Variants in SLC2A4 observed in about 807,000 individuals in gnomAD.
SLC2A4 encodes solute carrier family 2 member 4.
SLC2A4 carries 31 observed loss-of-function variants against 53.3 expected under a neutral mutation model. That is an observed-to-expected ratio of 0.58 (90% CI 0.44 to 0.78). The LOEUF is 0.78. Ranked by LOEUF, SLC2A4 falls within the 30% of genes least tolerant of loss-of-function variation. SLC2A4 has a pLI of 0.00. For missense variants in SLC2A4, 538 were observed against 655.7 expected (o/e 0.82, Z 1.96); for synonymous variants, 276 against 281.9 (o/e 0.98, Z 0.21).
Position 7,287,115 on chromosome 17 carries a change from G to GGTTCTCT in SLC2A4, c.*486_*487insGTTCTCT, listed in dbSNP as rs542749322. On this transcript the variant is annotated 3_prime_UTR_variant, in exon 11 of 11. Coordinates refer to ENST00000317370, the MANE Select transcript of SLC2A4 (RefSeq NM_001042.3). The stretch of plus-strand genomic sequence containing the variant: ...TGCCACGCAGACTCTGGGCAAAGGG[G>GGTTCTCT]TTTTTTTTTTTTTTTTTTTTTTTTT... The GGTTCTCT allele has an allele frequency of 8.2e-5, 8 of 97,848 alleles. 3 individuals are homozygous for GGTTCTCT. The highest frequency in any genetic ancestry group is 1.2e-4 in the Non-Finnish European group (6 of 49,576). 6.1% of individuals were successfully genotyped at this position (97,848 alleles called of 1,614,324 possible).
Position 7,283,103 on chromosome 17 carries a change from C to G in SLC2A4, c.34-142C>G. 1 of 781,506 alleles carries G rather than the reference C, an allele frequency of 1.3e-6. No homozygotes were observed. The highest frequency in any genetic ancestry group is 1.4e-5 in the South Asian group (1 of 73,794). 48.4% of individuals were successfully genotyped at this position (781,506 alleles called of 1,614,324 possible). A position where few individuals can be genotyped will look rare whatever the true frequency, so the allele number is the denominator to read the frequency against. On this transcript the variant is annotated intron_variant, in intron 1 of 10. Transcript: ENST00000317370. This position sits in a 1 kb window ranked among gnomAD's most constrained non-coding sequence, Gnocchi z 5.8. ...TTTACATTGAGATCTTTGTGCAATTCCTAATATGGCCCAGTTTCCCTCACC... is the reference window on the plus strand; with the variant it reads ...TTTACATTGAGATCTTTGTGCAATTGCTAATATGGCCCAGTTTCCCTCACC...
chr17:7,282,560 C>A lies in SLC2A4; in HGVS notation c.33+593C>A. The A allele has an allele frequency of 2.6e-6, 1 of 379,856 alleles. No individual in the cohort carries two copies. The highest frequency in any genetic ancestry group is 5.3e-6 in the Non-Finnish European group (1 of 189,374). The allele number at this position is 379,856 out of a possible 1,614,324, so 23.5% of individuals were successfully genotyped here. A position where few individuals can be genotyped will look rare whatever the true frequency, so the allele number is the denominator to read the frequency against. On this transcript the variant is annotated intron_variant, in intron 1 of 10. Coordinates refer to ENST00000317370, the MANE Select transcript of SLC2A4 (RefSeq NM_001042.3). The surrounding 1 kb of genome is among the most constrained non-coding windows in gnomAD (Gnocchi z 4.1). ...CTCACACTACCTTCCTGCCCTCCTCCCCTGGGCATGGCTCTCCCAGGCAGA... is the reference window on the plus strand; with the variant it reads ...CTCACACTACCTTCCTGCCCTCCTCACCTGGGCATGGCTCTCCCAGGCAGA...
chr17:7,284,780 T>C lies in SLC2A4; in HGVS notation c.916-55T>C, dbSNP rs2072434281. On this transcript the variant is annotated intron_variant, in intron 7 of 10. Coordinates refer to ENST00000317370, the MANE Select transcript of SLC2A4 (RefSeq NM_001042.3). The surrounding 1 kb of genome is among the most constrained non-coding windows in gnomAD (Gnocchi z 7.5). ...CAGGGTAGGGCCAGCCTGTTGTGGC[T>C]GGAGTAGAGGAAGGGGCATTCCTGC... 8 of 1,612,230 alleles carry C rather than the reference T, an allele frequency of 5.0e-6. No homozygotes were observed. The highest frequency in any genetic ancestry group is 5.9e-6 in the Non-Finnish European group (7 of 1,178,264).
rs926634324 is a variant in SLC2A4, at chr17:7,287,537, G to A, written c.*908G>A. The A allele has an allele frequency of 1.3e-5, 2 of 152,238 alleles. No homozygotes were observed. The highest frequency in any genetic ancestry group is 2.9e-5 in the Non-Finnish European group (2 of 68,056). The allele number at this position is 152,238 out of a possible 1,614,324, so 9.4% of individuals were successfully genotyped here. ...GTATGTGCCCATGTGTGGCAAGATG[G>A]AAGGACGGCAGGCTCCCGCCTCTAG... On this transcript the variant is annotated 3_prime_UTR_variant, in exon 11 of 11. Transcript: ENST00000317370.
chr17:7,282,117 C>T lies in SLC2A4; in HGVS notation c.33+150C>T. On this transcript the variant is annotated intron_variant, in intron 1 of 10. Transcript: ENST00000317370. This position sits in a 1 kb window ranked among gnomAD's most constrained non-coding sequence, Gnocchi z 4.1. ...GGCTATTTATACCCGGCCTGGACAA[C>T]CCGTGACTGTGAGATTCCAATCCTA... The T allele has an allele frequency of 1.4e-6, 1 of 707,408 alleles. No individual in the cohort carries two copies. Among genetic ancestry groups the T allele is most frequent in the Non-Finnish European group, 2.5e-6 (1 of 398,012 alleles). The allele number at this position is 707,408 out of a possible 1,614,324, so 43.8% of individuals were successfully genotyped here. A position where few individuals can be genotyped will look rare whatever the true frequency, so the allele number is the denominator to read the frequency against.
rs2072428126 is a variant in SLC2A4, at chr17:7,284,149, A to G, written c.564+60A>G. On this transcript the variant is annotated intron_variant, in intron 5 of 10. Coordinates refer to ENST00000317370, the MANE Select transcript of SLC2A4 (RefSeq NM_001042.3). This position sits in a 1 kb window ranked among gnomAD's most constrained non-coding sequence, Gnocchi z 7.5. ...TGGTTAGAGTGGGGCTCTGGAGAAT[A>G]TGGTGGGCTTCCAAGGTAAGGCAGA... 2 of 1,610,584 alleles carry G rather than the reference A, an allele frequency of 1.2e-6. No individual in the cohort carries two copies. Among genetic ancestry groups the G allele is most frequent in the Non-Finnish European group, 8.5e-7 (1 of 1,178,170 alleles).
At position 7,283,703 on chromosome 17, in the gene SLC2A4, C is replaced by G. The variant is rs776817223; in HGVS notation, c.324-35C>G. 3.1e-6 allele frequency: 5 copies of G among 1,613,768 alleles called. No homozygotes were observed. The highest frequency in any genetic ancestry group is 4.2e-6 in the Non-Finnish European group (5 of 1,180,018). On this transcript the variant is annotated intron_variant, in intron 3 of 10. Transcript: ENST00000317370. The surrounding 1 kb of genome is among the most constrained non-coding windows in gnomAD (Gnocchi z 5.8). Reference sequence around the variant, plus strand: ...AGGAAGGGAGCCACTGCTGGGTGCCCTCACCCTCACAGCCTCACTCTGTCT... The same window carrying G: ...AGGAAGGGAGCCACTGCTGGGTGCCGTCACCCTCACAGCCTCACTCTGTCT...
At chr17:7,286,219 G>A (rs964285352) in intron 10 of SLC2A4, 7 of 675,834 alleles carry the variant, frequency 1.0e-5, no homozygotes, top group African/African-American at 3.6e-5. Context: ...TGGTGAAGAG[G>A]GCGAAAACTA....
In SLC2A4 at chr17:7,283,973, G is replaced by A; in HGVS notation, c.449-1G>A. 6.2e-7 allele frequency: 1 copy of A among 1,613,738 alleles called. No individual in the cohort carries two copies. The highest frequency in any genetic ancestry group is 8.5e-7 in the Non-Finnish European group (1 of 1,179,806). ...CAGCCCTCTCTTCTTCCCTCGCCCAGGGCTGACATCAGGGCTGGTGCCCAT... is the reference window on the plus strand; with the variant it reads ...CAGCCCTCTCTTCTTCCCTCGCCCAAGGCTGACATCAGGGCTGGTGCCCAT... On this transcript the variant is annotated splice_acceptor_variant, in intron 4 of 10. Transcript: ENST00000317370. LOFTEE classifies it high-confidence loss of function. This position sits in a 1 kb window ranked among gnomAD's most constrained non-coding sequence, Gnocchi z 5.8.
In SLC2A4 at chr17:7,285,220, G is replaced by A; in HGVS notation, c.1122+31G>A. ...GCCTGGAGGCTAGGAGGGGCTAGCA[G>A]CCCACCCCATGGGAATGGTCCTGTG... On this transcript the variant is annotated intron_variant, in intron 9 of 10. Coordinates refer to ENST00000317370, the MANE Select transcript of SLC2A4 (RefSeq NM_001042.3). This position sits in a 1 kb window ranked among gnomAD's most constrained non-coding sequence, Gnocchi z 6.0. 1.3e-6 allele frequency: 2 copies of A among 1,535,400 alleles called. No individual in the cohort carries two copies. The highest frequency in any genetic ancestry group is 8.9e-7 in the Non-Finnish European group (1 of 1,128,718).
In SLC2A4 at chr17:7,283,746, C is replaced by T. The variant is rs1045499910; in HGVS notation, c.332C>T (p.Ala111Val). Residue 111 changes from alanine to valine, a missense_variant, in exon 4 of 11, where the codon GCC becomes GTC. Physicochemically the swap from Ala to Val is moderately conservative, Grantham distance 64. Transcript: ENST00000317370. This position sits in a 1 kb window ranked among gnomAD's most constrained non-coding sequence, Gnocchi z 5.8. Reference protein sequence around the residue: ...IISQWLGRKRAMLVNNVLAVL... With the variant: ...IISQWLGRKRVMLVNNVLAVL... ...CTCTGTCTGCCTGCCAGGAAAAGGG[C>T]CATGCTGGTCAACAATGTCCTGGCG... The T allele has an allele frequency of 1.2e-6, 2 of 1,613,954 alleles. No individual in the cohort carries two copies. Among genetic ancestry groups the T allele is most frequent in the African/African-American group, 1.3e-5 (1 of 74,928 alleles).
chr17:7,284,737 A>T lies in SLC2A4; in HGVS notation c.915+65A>T. 1 of 1,607,820 alleles carries T rather than the reference A, an allele frequency of 6.2e-7. No homozygotes were observed. The highest frequency in any genetic ancestry group is 8.5e-7 in the Non-Finnish European group (1 of 1,174,490). ...GAGGGTAGACGAGAGTGGGGAGCAA[A>T]CCCCCTCCACCAACACCCAGGGTAG... On this transcript the variant is annotated intron_variant, in intron 7 of 10. Transcript: ENST00000317370. This position sits in a 1 kb window ranked among gnomAD's most constrained non-coding sequence, Gnocchi z 7.5.
intron 10 of SLC2A4, 51 bp from the exon 11 acceptor site, chr17:7,286,375 C>G: frequency 6.4e-7 from 1 of 1,554,188 alleles, no homozygotes; most frequent in South Asian, 1.1e-5. Flanking sequence ...TGAAACTACC[C>G]CTTCCCTCCC....
chr17:7,283,903 C>T lies in SLC2A4; in HGVS notation c.448+41C>T, dbSNP rs768537017. 3.1e-6 allele frequency: 5 copies of T among 1,614,034 alleles called. No individual in the cohort carries two copies. In the African/African-American group the frequency reaches 6.7e-5, roughly 22 times the overall value. ...ACAGCCCTGCCTAGCGCCCTGTTCT[C>T]TTTCACCATGCCTGGGCTTTCAGAT... On this transcript the variant is annotated intron_variant, in intron 4 of 10. Transcript: ENST00000317370. The surrounding 1 kb of genome is among the most constrained non-coding windows in gnomAD (Gnocchi z 5.8).
rs1347527184 is a variant in SLC2A4, at chr17:7,286,559, CCT to C, written c.1465_1466del (p.Leu489PhefsTer12). On this transcript the variant is annotated frameshift_variant, in exon 11 of 11. Coordinates refer to ENST00000317370, the MANE Select transcript of SLC2A4 (RefSeq NM_001042.3). LOFTEE classifies it high-confidence loss of function. ...ATCTCAGCTGCCTTCCACCGGACAC[CCT>C]CTCTTTTAGAGCAGGAGGTGAAACC... The C allele has an allele frequency of 2.5e-6, 4 of 1,614,190 alleles. No individual in the cohort carries two copies. The highest frequency in any genetic ancestry group is 1.3e-5 in the African/African-American group (1 of 75,056).
chr17:7,286,745 C>A lies in SLC2A4; in HGVS notation c.*116C>A. 1.0e-6 allele frequency: 1 copy of A among 988,284 alleles called. No individual in the cohort carries two copies. The allele number at this position is 988,284 out of a possible 1,614,324, so 61.2% of individuals were successfully genotyped here. A position where few individuals can be genotyped will look rare whatever the true frequency, so the allele number is the denominator to read the frequency against. On this transcript the variant is annotated 3_prime_UTR_variant, in exon 11 of 11. Coordinates refer to ENST00000317370, the MANE Select transcript of SLC2A4 (RefSeq NM_001042.3). ...ATTATTTCCGGGTGGAAAAGAATCCCTGCAGCCTGGTAGAATTGGGAAGCT... is the reference window on the plus strand; with the variant it reads ...ATTATTTCCGGGTGGAAAAGAATCCATGCAGCCTGGTAGAATTGGGAAGCT...
Position 7,287,845 on chromosome 17 carries a change from TGGA to T in SLC2A4, c.*1219_*1221del, listed in dbSNP as rs1205198211. The T allele has an allele frequency of 6.6e-6, 1 of 152,202 alleles. No homozygotes were observed. The highest frequency in any genetic ancestry group is 1.5e-5 in the Non-Finnish European group (1 of 68,042). The allele number at this position is 152,202 out of a possible 1,614,324, so 9.4% of individuals were successfully genotyped here. On this transcript the variant is annotated 3_prime_UTR_variant, in exon 11 of 11. Coordinates refer to ENST00000317370, the MANE Select transcript of SLC2A4 (RefSeq NM_001042.3). The stretch of plus-strand genomic sequence containing the variant: ...ACTGCTGAAGACAAGCATCCTATTG[TGGA>T]GGTACTTGAGGATGGGCTGAGACAG...
chr17:7,287,594 G>A lies in SLC2A4; in HGVS notation c.*965G>A, dbSNP rs567825100. 6.6e-6 allele frequency: 1 copy of A among 152,276 alleles called. No homozygotes were observed. The highest frequency in any genetic ancestry group is 1.9e-4 in the East Asian group (1 of 5,190). 9.4% of individuals were successfully genotyped at this position (152,276 alleles called of 1,614,324 possible). A position where few individuals can be genotyped will look rare whatever the true frequency, so the allele number is the denominator to read the frequency against. On this transcript the variant is annotated 3_prime_UTR_variant, in exon 11 of 11. Transcript: ENST00000317370. Reference sequence around the variant, plus strand: ...GGCTCTACCCCGATGGTTTCCCAAGGCTGCCAAGAAGGAGCCCTAACTTTC... The same window carrying A: ...GGCTCTACCCCGATGGTTTCCCAAGACTGCCAAGAAGGAGCCCTAACTTTC...
Position 7,286,833 on chromosome 17 carries a change from T to G in SLC2A4, c.*204T>G. The stretch of plus-strand genomic sequence containing the variant: ...GTGTGACTCTCTTGGATTATTTATG[T>G]GTTGTGGTTTGGCCGTGGCCATCAG... On this transcript the variant is annotated 3_prime_UTR_variant, in exon 11 of 11. Transcript: ENST00000317370. 1 of 581,874 alleles carries G rather than the reference T, an allele frequency of 1.7e-6. No homozygotes were observed. The highest frequency in any genetic ancestry group is 3.1e-6 in the Non-Finnish European group (1 of 325,662). The allele number at this position is 581,874 out of a possible 1,614,324, so 36.0% of individuals were successfully genotyped here. A position where few individuals can be genotyped will look rare whatever the true frequency, so the allele number is the denominator to read the frequency against.
Sources: gnomAD v4.1 joint callset for allele counts on GRCh38, gnomAD v4.1.1 for gene constraint, Gnocchi (gnomAD v3.1) non-coding constraint, MANE v1.5 for transcripts, NCBI Gene and HGNC (gene_info 2026-07-23, HGNC 2026-07-21) for gene names.